Variants in CD82 observed in about 807,000 individuals in gnomAD.
CD82 encodes the protein CD82 molecule.
A neutral mutation model predicts 37.4 loss-of-function variants in CD82; 36 were observed. That is an observed-to-expected ratio of 0.96 (90% confidence interval 0.74 to 1.27). CD82 has a LOEUF of 1.27. Ranked by LOEUF, CD82 falls within the 50% of genes most tolerant of loss-of-function variation. CD82 has a pLI of 0.00. For synonymous variants in CD82, 158 were observed against 137.4 expected (o/e 1.15, Z -1.05); for missense variants, 340 against 347.0 (o/e 0.98, Z 0.16).
In CD82 at chr11:44,605,073, C is replaced by T. The variant is rs139889503; in HGVS notation, c.152C>T (p.Ser51Leu). 3.7e-6 allele frequency: 6 copies of T among 1,614,218 alleles called. No homozygotes were observed. The highest frequency in any genetic ancestry group is 4.5e-5 in the East Asian group (2 of 44,880). ...TTCCCCCTAGAAACCTCCTCCAGCT[C>T]GCTTAGGATGGGGGCCTATGTCTTC... ...FISVLQTSSS[S>L]LRMGAYVFIG... Residue 51 changes from serine to leucine, a missense_variant, in exon 5 of 10, where the codon TCG becomes TTG. Physicochemically the swap from Ser to Leu is moderately radical, Grantham distance 145. Transcript: ENST00000227155.
At chr11:44,616,769 C>T (rs1008530613) in intron 7 of CD82, among the ~76,000 whole-genome samples, 6 of 152,190 alleles carry the variant, frequency 3.9e-5, no homozygotes, top group African/African-American at 1.4e-4. Flanking sequence ...GAGACACAGG[C>T]GGAGGTGGCG....
At chr11:44,585,481 G>C (rs1299173033) in intron 1 of CD82, among the ~76,000 whole-genome samples, 1 of 152,234 alleles carries the variant, frequency 6.6e-6, no homozygotes, top group East Asian at 1.9e-4. Context: ...TGCAGGAAGA[G>C]TGGGAGGAGA....
At chr11:44,595,880 G>A (rs1387418982) in intron 3 of CD82, among the ~76,000 whole-genome samples, 4 of 132,622 alleles carry the variant, frequency 3.0e-5, no homozygotes, top group Non-Finnish European at 6.2e-5. Flanking sequence ...GACCAGCTTG[G>A]GCAACATAGC....
intron 4 of CD82, chr11:44,604,650 C>T (rs1565091422): frequency 3.4e-6 from 1 of 290,756 alleles, no homozygotes; most frequent in Non-Finnish European, 6.7e-6. Flanking sequence ...CTGTGCACAG[C>T]ACCTCACTGC....
At chr11:44,579,064 A>G (rs1321039161) in intron 1 of CD82, among the ~76,000 whole-genome samples, 2 of 152,198 alleles carry the variant, frequency 1.3e-5, no homozygotes, top group Admixed American at 6.5e-5. Flanking sequence ...TGGCTGGACC[A>G]GAGCACTGCA....
rs80236292 is a variant in CD82 at position 44,597,809 on chromosome 11, C to A, written c.64-2349C>A. Among the ~76,000 whole-genome samples, 131 of 152,138 alleles carry A rather than the reference C, an allele frequency of 8.6e-4. 1 individual carries two copies. In the East Asian group the frequency reaches 0.019, roughly 23 times the overall value. ...ACGTGGGCCTGAGCACTGGCCCCTG[C>A]CTCGCTGTGCTGTGGGGTGGTTGTG... On this transcript the variant is annotated intron_variant, in intron 3 of 9. Coordinates refer to ENST00000227155, the MANE Select transcript of CD82 (RefSeq NM_002231.4). This position sits in a 1 kb window ranked among gnomAD's most constrained non-coding sequence, Gnocchi z 4.1.
intron 4 of CD82, among the ~76,000 whole-genome samples, chr11:44,602,830 C>A (rs1354778166): frequency 6.6e-6 from 1 of 152,122 alleles, no homozygotes; most frequent in African/African-American, 2.4e-5. Context: ...ACGGAGACCT[C>A]GCAGTTTGTC....
At chr11:44,583,829 G>T (rs192806478) in intron 1 of CD82, among the ~76,000 whole-genome samples, 10 of 152,258 alleles carry the variant, frequency 6.6e-5, no homozygotes, top group Admixed American at 5.2e-4. Flanking sequence ...TAATATTCAG[G>T]GATGGCTGCT....
chr11:44,569,340 G>A lies in CD82; in HGVS notation c.-103+3604G>A, dbSNP rs546367229. Among the ~76,000 whole-genome samples the A allele has an allele frequency of 6.6e-5, 10 of 152,228 alleles. No homozygotes were observed. In the South Asian group the frequency reaches 2.1e-3, roughly 32 times the overall value. On this transcript the variant is annotated intron_variant, in intron 1 of 9. Transcript: ENST00000227155. ...GCTGGCTGGTTCCTGACTCACCCCC[G>A]GGCTTCCCCTTCCACTGTGGTTTTC... is the stretch of plus-strand genomic sequence containing the variant.
intron 3 of CD82, chr11:44,596,963 C>T (rs778655281): frequency 2.2e-6 from 1 of 456,180 alleles, no homozygotes; most frequent in South Asian, 1.5e-5. Context: ...TTGGCCTGGT[C>T]ATGGAGGTCA....
intron 1 of CD82, among the ~76,000 whole-genome samples, chr11:44,583,230 C>CT (rs1158467284): frequency 5.3e-5 from 8 of 152,146 alleles, no homozygotes; most frequent in African/African-American, 1.7e-4. Context: ...AGGTCAGAGG[C>CT]TATGGCTCAG....
intron 1 of CD82, among the ~76,000 whole-genome samples, chr11:44,578,001 AC>A (rs1204578941): frequency 6.6e-6 from 1 of 151,780 alleles, no homozygotes; most frequent in Non-Finnish European, 1.5e-5. Context: ...CACGTTACTA[AC>A]CCCCCTGAGC....
chr11:44,612,904 T>G (rs1853506424), intron 6 of CD82, among the ~76,000 whole-genome samples: 1 of 152,130 alleles, frequency 6.6e-6, no homozygotes, highest in Non-Finnish European at 1.5e-5. Context: ...CCCAAAGTGC[T>G]GGAATTACAT....
intron 6 of CD82, among the ~76,000 whole-genome samples, chr11:44,614,652 G>C (rs181652558): frequency 2.7e-4 from 41 of 152,354 alleles, no homozygotes; most frequent in African/African-American, 9.4e-4. Flanking sequence ...GGATAAGGGA[G>C]GCCGGGGAGG....
At chr11:44,612,065 C>T (rs937121861) in intron 6 of CD82, among the ~76,000 whole-genome samples, 13 of 152,184 alleles carry the variant, frequency 8.5e-5, no homozygotes, top group African/African-American at 3.1e-4. Flanking sequence ...CTTTCCACAC[C>T]GTGGGGATCA....
chr11:44,567,131 T>C (rs1489767210), intron 1 of CD82, among the ~76,000 whole-genome samples: 1 of 152,086 alleles, frequency 6.6e-6, no homozygotes, highest in Non-Finnish European at 1.5e-5. Context: ...TATAACCAGA[T>C]GAGATTTCAT....
At chr11:44,588,465 G>A (rs865891300) in intron 2 of CD82, among the ~76,000 whole-genome samples, 27 of 152,120 alleles carry the variant, frequency 1.8e-4, no homozygotes, top group African/African-American at 6.5e-4. Flanking sequence ...CTCGTGATCC[G>A]CCCGCCTCGA....
At chr11:44,575,778 G>A (rs939767590) in intron 1 of CD82, among the ~76,000 whole-genome samples, 25 of 152,070 alleles carry the variant, frequency 1.6e-4, no homozygotes, top group Admixed American at 1.6e-3. Context: ...CTTCTCCCAT[G>A]TGTCCTTTGT....
At chr11:44,582,127 T>C (rs1427984425) in intron 1 of CD82, among the ~76,000 whole-genome samples, 1 of 152,232 alleles carries the variant, frequency 6.6e-6, no homozygotes. Flanking sequence ...GCTGCACCAC[T>C]GTCCCCCCTG....
Sources: gnomAD v4.1 joint callset for allele counts (sites outside exome capture counted in the v4.1 genomes callset) on GRCh38, gnomAD v4.1.1 for gene constraint, Gnocchi (gnomAD v3.1) non-coding constraint, MANE v1.5 for transcripts, NCBI Gene and HGNC (gene_info 2026-07-23, HGNC 2026-07-21) for gene names.